Variants in P2RX4 observed in about 807,000 individuals in gnomAD.
P2RX4 encodes the protein P2X purinoceptor 4.
P2RX4 carries 37 observed loss-of-function variants against 48.0 expected under a neutral mutation model. The observed-to-expected ratio is 0.77, with a 90% CI of 0.59 to 1.01. The LOEUF is 1.01. P2RX4 is among the 50% of genes least tolerant of loss of function. P2RX4 has a pLI of 0.00. For synonymous variants in P2RX4, 200 were observed against 199.7 expected, an observed-to-expected ratio of 1.00 and a Z score of -0.01; for missense variants, 501 against 521.4, an observed-to-expected ratio of 0.96 and a Z score of 0.38.
chr12:121,217,347 G>C (rs968542236), intron 2 of P2RX4, 66 bp downstream of exon 2: 1 of 1,525,594 alleles, frequency 6.6e-7, no homozygotes, highest in African/African-American at 1.4e-5. Context: ...TTGCACACTT[G>C]ATTAATGATT....
chr12:121,224,058 C>T (rs1886825514), intron 5 of P2RX4, among the ~76,000 whole-genome samples: 1 of 152,122 alleles, frequency 6.6e-6, no homozygotes, highest in African/African-American at 2.4e-5. Context: ...TAGACCTGTC[C>T]ATCATCGTAT....
Position 121,232,937 on chromosome 12 carries a change from A to G in P2RX4, c.1045-60A>G. 1 of 1,191,436 alleles carries G rather than the reference A, an allele frequency of 8.4e-7. No individual in the cohort carries two copies. Among genetic ancestry groups the G allele is most frequent in the Non-Finnish European group, 1.3e-6 (1 of 795,484 alleles). The allele number at this position is 1,191,436 out of a possible 1,614,324, so 73.8% of individuals were successfully genotyped here. ...CTTCTCAGGAAGGGGCACGCAAAGAATAAGATGGGTTGATGGGTTGCAAGC... is the reference window on the plus strand; with the variant it reads ...CTTCTCAGGAAGGGGCACGCAAAGAGTAAGATGGGTTGATGGGTTGCAAGC... On this transcript the variant is annotated intron_variant, in intron 10 of 11. Transcript: ENST00000337233. The surrounding 1 kb of genome is among the most constrained non-coding windows in gnomAD (Gnocchi z 4.3).
At chr12:121,230,124 C>T (rs976554767) in intron 8 of P2RX4, among the ~76,000 whole-genome samples, 15 of 152,184 alleles carry the variant, frequency 9.9e-5, no homozygotes, top group African/African-American at 3.6e-4. Context: ...CGCTCCAGGC[C>T]GGGCGCAGTG....
In P2RX4 at chr12:121,233,846, G is replaced by A. The variant is rs1887536228; in HGVS notation, c.*297G>A. ...TGGCACTGCTGTGGCTTTCAGGGCT[G>A]GAGCTGGCTTTGCTCAGAAGCCTCC... is the stretch of plus-strand genomic sequence containing the variant. On this transcript the variant is annotated 3_prime_UTR_variant, in exon 12 of 12. Transcript: ENST00000337233. The A allele has an allele frequency of 5.8e-6, 3 of 520,956 alleles. No individual in the cohort carries two copies. Among genetic ancestry groups the A allele is most frequent in the Non-Finnish European group, 1.0e-5 (3 of 296,018 alleles). 32.3% of individuals were successfully genotyped at this position (520,956 alleles called of 1,614,324 possible). A position where few individuals can be genotyped will look rare whatever the true frequency, so the allele number is the denominator to read the frequency against.
At chr12:121,225,506 G>A (rs951051802) in intron 5 of P2RX4, among the ~76,000 whole-genome samples, 58 of 152,164 alleles carry the variant, frequency 3.8e-4, no homozygotes, top group African/African-American at 1.3e-3. Context: ...CGCCTCCTGC[G>A]CTCACGCCAT....
intron 4 of P2RX4, chr12:121,222,410 G>GT: frequency 2.3e-6 from 1 of 444,104 alleles, no homozygotes; most frequent in East Asian, 3.5e-5. Flanking sequence ...TTTTTTTTTT[G>GT]TTTTGTTTTT....
At position 121,225,411 on chromosome 12, in the gene P2RX4, GTATT is replaced by G. The variant is rs532703396; in HGVS notation, c.524+2382_524+2385del. On this transcript the variant is annotated intron_variant, in intron 5 of 11. Coordinates refer to ENST00000337233, the MANE Select transcript of P2RX4 (RefSeq NM_002560.3). ...TTATTTATTTATTTTTTATTTATTTGTATTTATTTATTTATTTGAGATGGAGTCT... is the reference window on the plus strand; with the variant it reads ...TTATTTATTTATTTTTTATTTATTTGTATTTATTTATTTGAGATGGAGTCT... 2.0e-3 allele frequency among the ~76,000 whole-genome samples: 297 copies of G among 149,256 alleles called. 1 individual carries two copies. Among genetic ancestry groups the G allele is most frequent in the Non-Finnish European group, 3.7e-3 (247 of 67,288 alleles).
chr12:121,229,471 C>T lies in P2RX4; in HGVS notation c.884+372C>T, dbSNP rs1039187167. Among the ~76,000 whole-genome samples, 1 of 152,224 alleles carries T rather than the reference C, an allele frequency of 6.6e-6. No individual in the cohort carries two copies. The highest frequency in any genetic ancestry group is 2.4e-5 in the African/African-American group (1 of 41,466). ...CCTCCAGTCCAAAGGCCTCTGGGGC[C>T]TGGCCCAGGAATTGGTTTCTCAAAG... is the stretch of plus-strand genomic sequence containing the variant. On this transcript the variant is annotated intron_variant, in intron 8 of 11. Coordinates refer to ENST00000337233, the MANE Select transcript of P2RX4 (RefSeq NM_002560.3). This position sits in a 1 kb window ranked among gnomAD's most constrained non-coding sequence, Gnocchi z 4.6.
In P2RX4 at chr12:121,210,152, G is replaced by C. The variant is rs768745997; in HGVS notation, c.-13G>C. The stretch of plus-strand genomic sequence containing the variant: ...CCAGACCGACTAGGGGACTGGGAGC[G>C]GGCGGCGCGGCCATGGCGGGCTGCT... On this transcript the variant is annotated 5_prime_UTR_variant, in exon 1 of 12. Transcript: ENST00000337233. 2 of 1,520,370 alleles carry C rather than the reference G, an allele frequency of 1.3e-6. No homozygotes were observed. The highest frequency in any genetic ancestry group is 2.1e-5 in the Admixed American group (1 of 46,824). The allele number at this position is 1,520,370 out of a possible 1,614,324, so 94.2% of individuals were successfully genotyped here. A position where few individuals can be genotyped will look rare whatever the true frequency, so the allele number is the denominator to read the frequency against.
chr12:121,228,648 T>G, intron 6 of P2RX4, 35 bp downstream of exon 6: 1 of 1,611,536 alleles, frequency 6.2e-7, no homozygotes, highest in Non-Finnish European at 8.5e-7. Context: ...TTCACCAGGG[T>G]CTTGGAGAAA....
intron 5 of P2RX4, among the ~76,000 whole-genome samples, chr12:121,223,960 G>A (rs982053201): frequency 1.3e-5 from 2 of 152,120 alleles, no homozygotes; most frequent in Non-Finnish European, 2.9e-5. Context: ...AGCTTCACTC[G>A]CAGGACCCAC....
chr12:121,225,551 C>T (rs548726681), intron 5 of P2RX4, among the ~76,000 whole-genome samples: 13 of 152,150 alleles, frequency 8.5e-5, no homozygotes, highest in African/African-American at 2.4e-4. Context: ...GCTGGGACTA[C>T]AGGCGCCCAC....
rs776783602 is a variant in P2RX4, at chr12:121,217,216, G to C, written c.217G>C (p.Val73Leu). The C allele has an allele frequency of 6.8e-6, 11 of 1,614,218 alleles. No homozygotes were observed. Among genetic ancestry groups the C allele is most frequent in the Non-Finnish European group, 9.3e-6 (11 of 1,180,024 alleles). Residue 73 changes from valine to leucine, a missense_variant, in exon 2 of 12, where the codon GTG becomes CTG. This residue lies in a region of P2RX4 where 295 missense variants were observed against 275.3 expected (regional missense o/e 1.07). Coordinates refer to ENST00000337233, the MANE Select transcript of P2RX4 (RefSeq NM_002560.3). ...TACGACCAAGGTCAAGGGCGTGGCT[G>C]TGACCAACACTTCTAAACTTGGATT... The part of the protein sequence containing the change: ...SVTTKVKGVA[V>L]TNTSKLGFRI...
rs71079040 is a variant in P2RX4 at position 121,221,166 on chromosome 12, T to TTGTGTG, written c.283-721_283-716dup. Reference sequence around the variant, plus strand: ...TGTGTGTGCGTGTGTCTGTGTGTGTTTGTGTGTGTGTGTGTGTGTGTGTGT... The same window carrying TTGTGTG: ...TGTGTGTGCGTGTGTCTGTGTGTGTTTGTGTGTGTGTGTGTGTGTGTGTGTGTGTGT... On this transcript the variant is annotated intron_variant, in intron 2 of 11. Transcript: ENST00000337233. 1.8e-3 allele frequency among the ~76,000 whole-genome samples: 182 copies of TTGTGTG among 100,916 alleles called. 3 individuals are homozygous for TTGTGTG. The highest frequency in any genetic ancestry group is 4.9e-3 in the Admixed American group (51 of 10,436). The allele number at this position is 100,916 out of a possible 152,430, so 66.2% of individuals were successfully genotyped here. A position where few individuals can be genotyped will look rare whatever the true frequency, so the allele number is the denominator to read the frequency against.
intron 1 of P2RX4, chr12:121,215,640 C>G (rs959602429): frequency 5.3e-5 from 8 of 152,042 alleles, no homozygotes; most frequent in African/African-American, 1.9e-4. Flanking sequence ...GTCTCAGTCA[C>G]GAGAATCTTT....
At chr12:121,220,749 C>T (rs1886541998) in intron 2 of P2RX4, among the ~76,000 whole-genome samples, 2 of 152,170 alleles carry the variant, frequency 1.3e-5, no homozygotes, top group Non-Finnish European at 2.9e-5. Context: ...AAAACATTTC[C>T]ATCACCCCAA....
In P2RX4 at chr12:121,210,315, G is replaced by A. The variant is rs1420672184; in HGVS notation, c.134+17G>A. On this transcript the variant is annotated intron_variant, in intron 1 of 11. Coordinates refer to ENST00000337233, the MANE Select transcript of P2RX4 (RefSeq NM_002560.3). ...CGTCATCGGGTGAGCGTGGGGCCGC[G>A]CGGGGGGCGCGGCGGGTGCTGCCCT... 1 of 1,501,086 alleles carries A rather than the reference G, an allele frequency of 6.7e-7. No individual in the cohort carries two copies. Among genetic ancestry groups the A allele is most frequent in the Non-Finnish European group, 8.9e-7 (1 of 1,128,934 alleles). The allele number at this position is 1,501,086 out of a possible 1,614,324, so 93.0% of individuals were successfully genotyped here.
rs908535696 is a variant in P2RX4, at chr12:121,232,849, C to A, written c.1045-148C>A. On this transcript the variant is annotated intron_variant, in intron 10 of 11. Transcript: ENST00000337233. This position sits in a 1 kb window ranked among gnomAD's most constrained non-coding sequence, Gnocchi z 4.3. ...ACCTTCCCTTCTCCAAGACCACCCC[C>A]CTCAGGTCCCAGCCTTCTCCCAAGA... The A allele has an allele frequency of 1.3e-5, 11 of 858,848 alleles. No individual in the cohort carries two copies. Among genetic ancestry groups the A allele is most frequent in the African/African-American group, 3.3e-5 (2 of 60,676 alleles). The allele number at this position is 858,848 out of a possible 1,614,324, so 53.2% of individuals were successfully genotyped here. A position where few individuals can be genotyped will look rare whatever the true frequency, so the allele number is the denominator to read the frequency against.
chr12:121,218,226 G>T (rs897051404), intron 2 of P2RX4, among the ~76,000 whole-genome samples: 2 of 152,150 alleles, frequency 1.3e-5, no homozygotes, highest in Non-Finnish European at 2.9e-5. Context: ...GGTGGCTCAT[G>T]CCTGTAATCC....
Sources: allele counts gnomAD v4.1 joint callset (sites outside exome capture counted in the v4.1 genomes callset), GRCh38; gene constraint gnomAD v4.1.1; regional missense constraint gnomAD v4.1.1; non-coding constraint Gnocchi (gnomAD v3.1); transcripts MANE v1.5; gene names NCBI Gene and HGNC (gene_info 2026-07-23, HGNC 2026-07-21).